Variants in AKAP7 observed in about 807,000 individuals in gnomAD.
AKAP7 encodes A kinase (PRKA) anchor protein 7.
In AKAP7, 39 loss-of-function variants were observed where a neutral mutation model predicts 39.5. The ratio of observed to expected loss-of-function variants is 0.99; its 90% CI spans 0.76 to 1.29. The LOEUF is 1.29. AKAP7 is among the 50% of genes most tolerant of loss of function. AKAP7 has a pLI of 0.00. For synonymous variants in AKAP7, 140 were observed against 139.1 expected (o/e 1.01, Z -0.05); for missense variants, 414 against 407.7 (o/e 1.02, Z -0.13).
At chr6:131,180,828 T>G (rs1805132551) in intron 5 of AKAP7, among the ~76,000 whole-genome samples, 1 of 100,218 alleles carries the variant, frequency 1.0e-5, no homozygotes, top group Non-Finnish European at 2.0e-5. Context: ...TTTTTTTGTT[T>G]GTTTTGTTTT....
chr6:131,207,397 G>A (rs908325538), intron 6 of AKAP7, among the ~76,000 whole-genome samples: 15 of 149,646 alleles, frequency 1.0e-4, no homozygotes, highest in African/African-American at 2.5e-4. Context: ...ATAGCTGATC[G>A]CAGCCTCCAA....
chr6:131,266,939 C>A (rs1026003135), intron 7 of AKAP7, among the ~76,000 whole-genome samples: 33 of 152,198 alleles, frequency 2.2e-4, no homozygotes, highest in African/African-American at 7.9e-4. Flanking sequence ...CCAAATATTT[C>A]TGTGTACCTG....
At chr6:131,251,337 A>G (rs2128319458) in intron 7 of AKAP7, among the ~76,000 whole-genome samples, 1 of 152,322 alleles carries the variant, frequency 6.6e-6, no homozygotes, top group Admixed American at 6.5e-5. Flanking sequence ...TAGTATGCTG[A>G]ATAGAGTTTG....
chr6:131,188,501 G>A (rs969480413), intron 5 of AKAP7, among the ~76,000 whole-genome samples: 4 of 152,120 alleles, frequency 2.6e-5, no homozygotes, highest in African/African-American at 7.2e-5. Flanking sequence ...AAATACTCAT[G>A]CTTGCTATTG....
At chr6:131,278,159 T>C (rs1210567947) in intron 7 of AKAP7, among the ~76,000 whole-genome samples, 1 of 152,166 alleles carries the variant, frequency 6.6e-6, no homozygotes, top group Non-Finnish European at 1.5e-5. Flanking sequence ...TGATGAATAA[T>C]TGGTGTCCTA....
chr6:131,276,799 C>G (rs534518107), intron 7 of AKAP7, among the ~76,000 whole-genome samples: 3 of 152,002 alleles, frequency 2.0e-5, no homozygotes, highest in Admixed American at 2.0e-4. Context: ...TTCCCTTTTC[C>G]AAAAAATTAG....
intron 7 of AKAP7, among the ~76,000 whole-genome samples, chr6:131,245,423 T>G (rs548610555): frequency 1.3e-3 from 193 of 148,410 alleles, no homozygotes; most frequent in African/African-American, 4.6e-3. Context: ...TTTTTTTTTT[T>G]GTTTTTTTGT....
intron 5 of AKAP7, among the ~76,000 whole-genome samples, chr6:131,171,424 G>A (rs1562181007): frequency 1.3e-5 from 2 of 152,152 alleles, no homozygotes; most frequent in Non-Finnish European, 2.9e-5. Flanking sequence ...CCTGGGTAGA[G>A]GGAACAGCAT....
intron 4 of AKAP7, among the ~76,000 whole-genome samples, chr6:131,167,357 A>G (rs1353629977): frequency 6.6e-6 from 1 of 152,182 alleles, no homozygotes; most frequent in Non-Finnish European, 1.5e-5. Flanking sequence ...GATCATCTAT[A>G]TTTCTTTAAA....
At position 131,219,646 on chromosome 6, in the gene AKAP7, T is replaced by C; in HGVS notation, c.703-15T>C. ...GTGAAATGATTGATTGATTGATTTG[T>C]TTTTTCATTTCAAGGGAGTGAAAAA... On this transcript the variant is annotated splice_polypyrimidine_tract_variant and intron_variant, in intron 6 of 7. Transcript: ENST00000431975. 6.3e-7 allele frequency: 1 copy of C among 1,584,596 alleles called. No homozygotes were observed.
chr6:131,231,174 A>AT (rs1810593574), intron 7 of AKAP7, among the ~76,000 whole-genome samples: 1 of 152,140 alleles, frequency 6.6e-6, no homozygotes, highest in Admixed American at 6.6e-5. Context: ...TAACTCTCTA[A>AT]TTTTTTCCCC....
chr6:131,154,016 C>G (rs1177680026), intron 2 of AKAP7, among the ~76,000 whole-genome samples: 1 of 152,126 alleles, frequency 6.6e-6, no homozygotes, highest in African/African-American at 2.4e-5. Context: ...TCGAGACCAT[C>G]CTGGCCAATA....
chr6:131,187,281 T>C (rs1805959076), intron 5 of AKAP7, among the ~76,000 whole-genome samples: 1 of 152,122 alleles, frequency 6.6e-6, no homozygotes, highest in South Asian at 2.1e-4. Flanking sequence ...CATTTATTTG[T>C]ATTTTCTTTA....
intron 5 of AKAP7, among the ~76,000 whole-genome samples, chr6:131,172,343 A>G (rs895359660): frequency 2.6e-5 from 4 of 152,142 alleles, no homozygotes; most frequent in Non-Finnish European, 4.4e-5. Context: ...TGTTTATCAT[A>G]ACATTTTTCC....
At chr6:131,224,298 C>G (rs895538219) in intron 7 of AKAP7, among the ~76,000 whole-genome samples, 1 of 152,008 alleles carries the variant, frequency 6.6e-6, no homozygotes, top group Admixed American at 6.6e-5. Flanking sequence ...TGTTTTATTT[C>G]TTAATCAGAT....
intron 7 of AKAP7, among the ~76,000 whole-genome samples, chr6:131,255,136 TC>T (rs1276461792): frequency 6.6e-6 from 1 of 152,220 alleles, no homozygotes; most frequent in Non-Finnish European, 1.5e-5. Flanking sequence ...TATGCTGACT[TC>T]ATGGTTACCT....
chr6:131,180,157 T>C (rs527572957), intron 5 of AKAP7, among the ~76,000 whole-genome samples: 18 of 152,364 alleles, frequency 1.2e-4, no homozygotes, highest in Non-Finnish European at 1.9e-4. Flanking sequence ...TTCAAGTCCC[T>C]GTGCTTGGTG....
chr6:131,133,200 C>T (rs1381935730), upstream of AKAP7, among the ~76,000 whole-genome samples: 2 of 152,146 alleles, frequency 1.3e-5, no homozygotes, highest in Admixed American at 6.5e-5. Context: ...TAAGGAATTG[C>T]GTACTTGTCA....
At chr6:131,206,977 G>A (rs1166085123) in intron 6 of AKAP7, among the ~76,000 whole-genome samples, 6 of 152,152 alleles carry the variant, frequency 3.9e-5, no homozygotes, top group Non-Finnish European at 2.9e-5. Flanking sequence ...AGGAGCATGA[G>A]CTTTCCTGTT....
Sources: gnomAD v4.1 joint callset for allele counts (sites outside exome capture counted in the v4.1 genomes callset) on GRCh38, gnomAD v4.1.1 for gene constraint, MANE v1.5 for transcripts, NCBI Gene and HGNC (gene_info 2026-07-23, HGNC 2026-07-21) for gene names.